Variants in STIL observed in about 807,000 individuals in gnomAD.
STIL encodes SCL-interrupting locus protein.
STIL carries 55 observed loss-of-function variants against 110.1 expected under a neutral mutation model. The observed-to-expected ratio is 0.50, with a 90% CI of 0.40 to 0.63. The LOEUF (loss-of-function observed/expected upper bound fraction) is 0.63, where lower values mean the gene tolerates loss of function less well. Ranked by LOEUF, STIL falls within the 20% of genes least tolerant of loss-of-function variation. STIL has a pLI of 0.00. For synonymous variants in STIL, 481 were observed against 530.0 expected, an observed-to-expected ratio of 0.91 and a Z score of 1.27; for missense variants, 1,358 against 1,530.0, an observed-to-expected ratio of 0.89 and a Z score of 1.87.
chr1:47,287,166 C>T (rs2149042641), intron 10 of STIL, among the ~76,000 whole-genome samples: 1 of 152,098 alleles, frequency 6.6e-6, no homozygotes, highest in South Asian at 2.1e-4. Flanking sequence ...AGCTCGAGAC[C>T]AACCTGGCCA....
Position 47,281,022 on chromosome 1 carries a change from T to G in STIL, c.1436A>C (p.Glu479Ala), listed in dbSNP as rs1366924102. 5 of 1,614,162 alleles carry G rather than the reference T, an allele frequency of 3.1e-6. No individual in the cohort carries two copies. The South Asian group carries it at 4.4e-5, about 14-fold the overall frequency. Reference sequence around the variant, plus strand: ...TCCTCTCAAGGAAGGCTCTCCAGCTTCAACTTCTGGACTGTGTTTCTCATC... The same window carrying G: ...TCCTCTCAAGGAAGGCTCTCCAGCTGCAACTTCTGGACTGTGTTTCTCATC... The part of the protein sequence containing the change: ...LYDEKHSPEV[E>A]AGEPSLRGIP... Residue 479 changes from glutamate to alanine, a missense_variant, in exon 12 of 17, where the codon GAA becomes GCA. Physicochemically the swap from Glu to Ala is moderately radical, Grantham distance 107. Coordinates refer to ENST00000371877, the MANE Select transcript of STIL (RefSeq NM_001048166.1).
intron 10 of STIL, among the ~76,000 whole-genome samples, chr1:47,287,218 A>C (rs1221030544): frequency 6.6e-6 from 1 of 152,118 alleles, no homozygotes; most frequent in Non-Finnish European, 1.5e-5. Flanking sequence ...TTAAAATAAG[A>C]AACTTATAAG....
intron 16 of STIL, among the ~76,000 whole-genome samples, chr1:47,258,573 A>G (rs149228667): frequency 6.6e-6 from 1 of 152,322 alleles, no homozygotes; most frequent in African/African-American, 2.4e-5. Context: ...GTTTAAAACA[A>G]AAACAAAAAA....
chr1:47,256,896 G>A (rs1644345883), intron 16 of STIL, among the ~76,000 whole-genome samples: 1 of 151,948 alleles, frequency 6.6e-6, no homozygotes, highest in African/African-American at 2.4e-5. Context: ...CAGGAAGGCT[G>A]AGGCAGGAGA....
At chr1:47,296,613 G>A (rs887795715) in intron 6 of STIL, among the ~76,000 whole-genome samples, 1 of 152,062 alleles carries the variant, frequency 6.6e-6, no homozygotes, top group Middle Eastern at 3.4e-3. Context: ...AGACCAGCAT[G>A]GCCAACATGG....
intron 14 of STIL, among the ~76,000 whole-genome samples, chr1:47,268,158 A>C (rs1184704639): frequency 1.3e-5 from 2 of 152,196 alleles, no homozygotes; most frequent in African/African-American, 4.8e-5. Context: ...GAATCTTTAG[A>C]AATCTCGCCA....
At chr1:47,273,702 T>G (rs1325654677) in intron 12 of STIL, among the ~76,000 whole-genome samples, 1 of 152,208 alleles carries the variant, frequency 6.6e-6, no homozygotes, top group African/African-American at 2.4e-5. Context: ...TTCACTTCTC[T>G]TGGGTATGTA....
chr1:47,252,876 G>A lies in STIL; in HGVS notation c.3081-954C>T, dbSNP rs570282466. ...TTCAACTTACTTTGATTAGTGTTAA[G>A]TCAACTGACTTACCTTTTCCTTAAT... On this transcript the variant is annotated intron_variant, in intron 16 of 16. Coordinates refer to ENST00000371877, the MANE Select transcript of STIL (RefSeq NM_001048166.1). Among the ~76,000 whole-genome samples the A allele has an allele frequency of 2.1e-4, 32 of 150,756 alleles. No individual in the cohort carries two copies. The South Asian group carries it at 6.1e-3, about 29-fold the overall frequency.
At chr1:47,311,150 A>G (rs1310146108) in intron 1 of STIL, among the ~76,000 whole-genome samples, 1 of 150,896 alleles carries the variant, frequency 6.6e-6, no homozygotes, top group Non-Finnish European at 1.5e-5. Flanking sequence ...CCAGCCCAGT[A>G]TTCTTTTTTA....
In STIL at chr1:47,250,916, T is replaced by C; in HGVS notation, c.*220A>G. 1 of 528,052 alleles carries C rather than the reference T, an allele frequency of 1.9e-6. No homozygotes were observed. Among genetic ancestry groups the C allele is most frequent in the Non-Finnish European group, 3.3e-6 (1 of 300,906 alleles). 32.7% of individuals were successfully genotyped at this position (528,052 alleles called of 1,614,324 possible). ...GTAGGAATAACTGATCTCAGGGCTT[T>C]TCTTAAAGGTTTCAGTGATGTTGAA... On this transcript the variant is annotated 3_prime_UTR_variant, in exon 17 of 17. Coordinates refer to ENST00000371877, the MANE Select transcript of STIL (RefSeq NM_001048166.1).
In STIL at chr1:47,281,066, T is replaced by C. The variant is rs1250135620; in HGVS notation, c.1392A>G (p.Pro464=). Residue 464 remains proline (P), a synonymous_variant, in exon 12 of 17, where the codon CCA becomes CCG. Transcript: ENST00000371877. ...PLINHLEHLK[P]LQPQLYDEKH... is the part of the protein sequence containing the mutation. ...TCTCATCATAAAGCTGGGGTTGCAATGGCTTCAAGTGTTCCAAGTGGTTAA... is the reference window on the plus strand; with the variant it reads ...TCTCATCATAAAGCTGGGGTTGCAACGGCTTCAAGTGTTCCAAGTGGTTAA... The C allele has an allele frequency of 6.2e-7, 1 of 1,614,146 alleles. No homozygotes were observed. Among genetic ancestry groups the C allele is most frequent in the African/African-American group, 1.3e-5 (1 of 75,032 alleles).
At chr1:47,271,795 C>T (rs1487488289) in intron 13 of STIL, among the ~76,000 whole-genome samples, 2 of 147,734 alleles carry the variant, frequency 1.4e-5, no homozygotes, top group East Asian at 2.0e-4. Context: ...GGCAACACAG[C>T]GAGACTCCAT....
At chr1:47,270,227 CAA>C (rs34842407) in intron 13 of STIL, among the ~76,000 whole-genome samples, 15,300 of 84,882 alleles carry the variant, frequency 0.18, 950 homozygotes, top group Middle Eastern at 0.21. Flanking sequence ...AACTCTGGCT[CAA>C]AAAAAAAAAA....
chr1:47,301,076 T>C (rs571392903), intron 5 of STIL, among the ~76,000 whole-genome samples: 4 of 152,220 alleles, frequency 2.6e-5, no homozygotes, highest in African/African-American at 9.6e-5. Flanking sequence ...AAGTTCAAAT[T>C]CATCAGGCTG....
In STIL at chr1:47,280,827, C is replaced by T. The variant is rs1254491309; in HGVS notation, c.1631G>A (p.Gly544Glu). Residue 544 changes from glycine (G) to glutamate (E), a missense_variant, in exon 12 of 17, where the codon GGA becomes GAA. Gly to Glu is a moderately conservative substitution (Grantham distance 98, BLOSUM62 -2). Coordinates refer to ENST00000371877, the MANE Select transcript of STIL (RefSeq NM_001048166.1). ...IFEKLQTVSA[G>E]NVQNEEYPIR... ...AGGATACTCTTCGTTTTGTACATTT[C>T]CAGCAGAAACTGTTTGGAGCTTTTC... 1 of 1,614,174 alleles carries T rather than the reference C, an allele frequency of 6.2e-7. No homozygotes were observed. Among genetic ancestry groups the T allele is most frequent in the African/African-American group, 1.3e-5 (1 of 75,036 alleles).
rs1644182392 is a variant in STIL at position 47,251,510 on chromosome 1, G to A, written c.3493C>T (p.Leu1165Phe). The A allele has an allele frequency of 6.2e-7, 1 of 1,614,212 alleles. No homozygotes were observed. Among genetic ancestry groups the A allele is most frequent in the Non-Finnish European group, 8.5e-7 (1 of 1,180,036 alleles). Residue 1165 changes from leucine (L) to phenylalanine (F), a missense_variant, in exon 17 of 17, where the codon CTT (leucine) becomes TTT (phenylalanine). Coordinates refer to ENST00000371877, the MANE Select transcript of STIL (RefSeq NM_001048166.1). Reference protein sequence around the residue: ...NQNLRSIPEQLGGQKEPSKND... With the variant: ...NQNLRSIPEQFGGQKEPSKND... The stretch of plus-strand genomic sequence containing the variant: ...TTAGAAGGCTCTTTCTGACCACCAA[G>A]CTGTTCAGGTATGGACCTAAGGTTC...
rs1179664310 is a variant in STIL at position 47,260,689 on chromosome 1, G to C, written c.2830-150C>G. On this transcript the variant is annotated intron_variant, in intron 15 of 16. Transcript: ENST00000371877. ...GGAGTTTAAGACCCTGGGCAACACAGCGAGATCCTGTCTCTACAAAAAACT... is the reference window on the plus strand; with the variant it reads ...GGAGTTTAAGACCCTGGGCAACACACCGAGATCCTGTCTCTACAAAAAACT... 17 of 802,322 alleles carry C rather than the reference G, an allele frequency of 2.1e-5. No individual in the cohort carries two copies. In the Admixed American group the frequency reaches 4.6e-4, roughly 22 times the overall value. The allele number at this position is 802,322 out of a possible 1,614,324, so 49.7% of individuals were successfully genotyped here. A position where few individuals can be genotyped will look rare whatever the true frequency, so the allele number is the denominator to read the frequency against.
intron 2 of STIL, among the ~76,000 whole-genome samples, chr1:47,307,932 C>T (rs976050270): frequency 2.6e-5 from 4 of 152,238 alleles, no homozygotes; most frequent in South Asian, 4.1e-4. Context: ...TCTCCCATAG[C>T]GCTCCCAGGC....
intron 12 of STIL, among the ~76,000 whole-genome samples, chr1:47,275,023 A>G (rs1366529846): frequency 1.3e-5 from 2 of 151,982 alleles, no homozygotes; most frequent in South Asian, 2.1e-4. Flanking sequence ...ATGGTGGCAC[A>G]CGGCTGCAAT....
Sources: allele counts gnomAD v4.1 joint callset (sites outside exome capture counted in the v4.1 genomes callset), GRCh38; gene constraint gnomAD v4.1.1; transcripts MANE v1.5; gene names NCBI Gene and HGNC (gene_info 2026-07-23, HGNC 2026-07-21).